Variants in ROBO2 observed in about 807,000 individuals in gnomAD.
ROBO2 encodes the protein roundabout guidance receptor 2.
In ROBO2, 53 loss-of-function variants were observed where a neutral mutation model predicts 160.8. The ratio of observed to expected loss-of-function variants is 0.33; its 90% CI spans 0.26 to 0.41. The LOEUF (loss-of-function observed/expected upper bound fraction) is 0.41. Among genes scored for constraint, ROBO2 ranks in the 10% least tolerant of loss-of-function variants. ROBO2 has a pLI of 1.00. For synonymous variants in ROBO2, 664 were observed against 611.7 expected, an observed-to-expected ratio of 1.09 and a Z score of -1.26; for missense variants, 1,577 against 1,722.4, an observed-to-expected ratio of 0.92 and a Z score of 1.49.
chr3:77,447,540 T>C (rs1365925866), intron 2 of ROBO2, among the ~76,000 whole-genome samples: 1 of 152,138 alleles, frequency 6.6e-6, no homozygotes, highest in South Asian at 2.1e-4. Flanking sequence ...TTGAGTAATA[T>C]CTCTGGAAAT....
chr3:76,512,568 C>A (rs1476849235), intron 2 of ROBO2, among the ~76,000 whole-genome samples: 1 of 152,010 alleles, frequency 6.6e-6, no homozygotes, highest in African/African-American at 2.4e-5. Flanking sequence ...TTCTCAGTAG[C>A]CTGTAAATTC....
chr3:76,490,453 T>C (rs939309621), intron 2 of ROBO2, among the ~76,000 whole-genome samples: 2 of 152,150 alleles, frequency 1.3e-5, no homozygotes, highest in African/African-American at 2.4e-5. Flanking sequence ...CGTTAGTAAG[T>C]TTTAATAGCA....
intron 2 of ROBO2, among the ~76,000 whole-genome samples, chr3:77,348,390 G>A (rs892036877): frequency 6.6e-6 from 1 of 152,120 alleles, no homozygotes; most frequent in African/African-American, 2.4e-5. Flanking sequence ...GCTGGTGCGA[G>A]TATAACAGTG....
At chr3:76,915,929 C>T (rs1447539128) in intron 2 of ROBO2, among the ~76,000 whole-genome samples, 1 of 152,094 alleles carries the variant, frequency 6.6e-6, no homozygotes, top group East Asian at 1.9e-4. Flanking sequence ...CTTGCTGTAT[C>T]CTCATACAGT....
intron 2 of ROBO2, among the ~76,000 whole-genome samples, chr3:76,340,434 T>C (rs1439411978): frequency 6.6e-6 from 1 of 152,162 alleles, no homozygotes; most frequent in Non-Finnish European, 1.5e-5. Flanking sequence ...AGTCTATCAC[T>C]CTAACTGATA....
chr3:77,479,134 A>G (rs1186906302), intron 3 of ROBO2, among the ~76,000 whole-genome samples: 1 of 152,188 alleles, frequency 6.6e-6, no homozygotes, highest in East Asian at 1.9e-4. Context: ...CCCAACAAAT[A>G]GACAAAGTTC....
chr3:76,076,716 T>C (rs1228105048), intron 2 of ROBO2, among the ~76,000 whole-genome samples: 1 of 152,204 alleles, frequency 6.6e-6, no homozygotes, highest in Non-Finnish European at 1.5e-5. Flanking sequence ...AGGGCTTGAA[T>C]TGGAAACTGC....
intron 2 of ROBO2, among the ~76,000 whole-genome samples, chr3:76,092,332 C>A (rs898517333): frequency 6.6e-6 from 1 of 152,108 alleles, no homozygotes; most frequent in African/African-American, 2.4e-5. Flanking sequence ...GCTAGCTTGA[C>A]CCTAGAGGTG....
chr3:77,105,196 CA>C, intron 2 of ROBO2, among the ~76,000 whole-genome samples: 1 of 152,216 alleles, frequency 6.6e-6, no homozygotes, highest in East Asian at 1.9e-4. Context: ...AGTGGGAAAA[CA>C]AAGAACTATT....
chr3:77,403,573 AGTGTGTGTGTGTGTGTGTGTGT>A (rs57545425), intron 2 of ROBO2, among the ~76,000 whole-genome samples: 30 of 129,468 alleles, frequency 2.3e-4, no homozygotes, highest in South Asian at 2.1e-3. Context: ...TAGTTATTTC[AGTGTGTGTGTGTGTGTGTGTGT>A]GTGTGTGTGT....
intron 1 of ROBO2, among the ~76,000 whole-genome samples, chr3:75,924,551 T>C (rs1222614241): frequency 1.3e-5 from 2 of 152,164 alleles, no homozygotes; most frequent in African/African-American, 2.4e-5. Context: ...TGTGTTGTTT[T>C]AAGCCTCTGA....
intron 2 of ROBO2, among the ~76,000 whole-genome samples, chr3:76,969,198 G>T (rs1299621954): frequency 6.6e-6 from 1 of 152,122 alleles, no homozygotes; most frequent in Non-Finnish European, 1.5e-5. Context: ...ATCTATTGCA[G>T]ATTTTAGAAT....
intron 4 of ROBO2, among the ~76,000 whole-genome samples, chr3:77,483,696 A>C (rs1053219121): frequency 6.7e-6 from 1 of 148,678 alleles, no homozygotes; most frequent in Admixed American, 6.7e-5. Context: ...TGTTCAAAAA[A>C]ATAAGTATAT....
At chr3:77,131,416 T>C (rs2075842701) in intron 2 of ROBO2, among the ~76,000 whole-genome samples, 1 of 152,212 alleles carries the variant, frequency 6.6e-6, no homozygotes, top group Admixed American at 6.5e-5. Context: ...ATCTAGCATG[T>C]TTTTCATACA....
At chr3:77,036,310 T>G (rs921348403), upstream of ROBO2, among the ~76,000 whole-genome samples, 1 of 151,996 alleles carries the variant, frequency 6.6e-6, no homozygotes, top group Non-Finnish European at 1.5e-5. Flanking sequence ...TGGCAGTATA[T>G]GTTAAAATTA....
At chr3:77,542,925 G>T (rs1582834756) in intron 6 of ROBO2, among the ~76,000 whole-genome samples, 1 of 152,234 alleles carries the variant, frequency 6.6e-6, no homozygotes, top group East Asian at 1.9e-4. Flanking sequence ...AGAATGAAAT[G>T]TTACACTTGT....
chr3:77,524,264 A>G (rs925495020), intron 6 of ROBO2, among the ~76,000 whole-genome samples: 5 of 137,276 alleles, frequency 3.6e-5, no homozygotes, highest in Non-Finnish European at 4.7e-5. Context: ...ATAAAGGACT[A>G]TGATCATATA....
rs575025554 is a variant in ROBO2, at chr3:77,121,111, A to AT, written c.388+22776dup. On this transcript the variant is annotated intron_variant, in intron 2 of 25. Transcript: ENST00000461745. ...AGGCACCTGCCACCATGCGAGGCTAATTTTTGTATTTTTAGTAGAGACGGG... is the reference window on the plus strand; with the variant it reads ...AGGCACCTGCCACCATGCGAGGCTAATTTTTTGTATTTTTAGTAGAGACGGG... 3.9e-3 allele frequency among the ~76,000 whole-genome samples: 597 copies of AT among 151,966 alleles called. 7 individuals are homozygous for AT. The highest frequency in any genetic ancestry group is 0.014 in the Middle Eastern group (4 of 294).
chr3:77,246,879 C>T (rs1406273484), intron 2 of ROBO2, among the ~76,000 whole-genome samples: 1 of 151,950 alleles, frequency 6.6e-6, no homozygotes, highest in Non-Finnish European at 1.5e-5. Flanking sequence ...CATAAATTTC[C>T]AGGCAAGGAA....
Sources: gnomAD v4.1 joint callset for allele counts (sites outside exome capture counted in the v4.1 genomes callset) on GRCh38, gnomAD v4.1.1 for gene constraint, MANE v1.5 for transcripts, NCBI Gene and HGNC (gene_info 2026-07-23, HGNC 2026-07-21) for gene names.